Variants in UVRAG observed in about 807,000 individuals in gnomAD.
UVRAG encodes UV radiation resistance-associated gene protein.
Under a neutral mutation model 78.0 loss-of-function variants are expected in UVRAG, and 19 were observed. The observed-to-expected ratio is 0.24, with a 90% CI of 0.17 to 0.36. The LOEUF is 0.36. Ranked by LOEUF, UVRAG falls within the 10% of genes least tolerant of loss-of-function variation. The pLI, the probability that UVRAG is intolerant of heterozygous loss-of-function variation, is 1.00. For synonymous variants in UVRAG, 323 were observed against 324.6 expected, an observed-to-expected ratio of 1.00 and a Z score of 0.05; for missense variants, 740 against 853.8, an observed-to-expected ratio of 0.87 and a Z score of 1.66.
intron 8 of UVRAG, among the ~76,000 whole-genome samples, chr11:76,003,257 A>ATTTTTTTTTTTTTTTTT (rs398045280): frequency 3.7e-5 from 2 of 53,786 alleles, no homozygotes; most frequent in African/African-American, 1.6e-4. Context: ...GAAAATACTG[A>ATTTTTTTTTTTTTTTTT]TTTTTTTTTT....
chr11:76,078,974 G>C (rs1262016493), intron 13 of UVRAG, among the ~76,000 whole-genome samples: 1 of 151,798 alleles, frequency 6.6e-6, no homozygotes, highest in Non-Finnish European at 1.5e-5. Flanking sequence ...CTTTTAACTT[G>C]CCAGTACCTT....
At chr11:76,126,133 G>A (rs964303761) in intron 14 of UVRAG, among the ~76,000 whole-genome samples, 1 of 151,852 alleles carries the variant, frequency 6.6e-6, no homozygotes, top group African/African-American at 2.4e-5. Flanking sequence ...AGTAGAGACG[G>A]GGTTTCACCA....
At chr11:76,041,831 CAG>C (rs1270615697) in intron 12 of UVRAG, among the ~76,000 whole-genome samples, 1 of 152,144 alleles carries the variant, frequency 6.6e-6, no homozygotes, top group Non-Finnish European at 1.5e-5. Context: ...AGTAATCACT[CAG>C]AAAATTATAG....
At chr11:75,954,227 G>C (rs934930102) in intron 6 of UVRAG, among the ~76,000 whole-genome samples, 1 of 152,166 alleles carries the variant, frequency 6.6e-6, no homozygotes, top group African/African-American at 2.4e-5. Flanking sequence ...CTGTCTGTGT[G>C]TTTTAAGCCC....
chr11:75,982,949 T>C (rs927611076), intron 7 of UVRAG, among the ~76,000 whole-genome samples: 2 of 152,244 alleles, frequency 1.3e-5, no homozygotes, highest in Non-Finnish European at 2.9e-5. Context: ...TCGGCTATTA[T>C]GAGTAATGCT....
At chr11:76,004,167 A>C (rs1465018625) in intron 9 of UVRAG, 78 bp downstream of exon 9, 1 of 1,411,474 alleles carries the variant, frequency 7.1e-7, no homozygotes, top group Non-Finnish European at 1.0e-6. Flanking sequence ...GCATTCTTTA[A>C]AGCTGCTGGT....
intron 13 of UVRAG, among the ~76,000 whole-genome samples, chr11:76,100,403 G>A (rs1323955020): frequency 6.6e-6 from 1 of 152,028 alleles, no homozygotes; most frequent in African/African-American, 2.4e-5. Flanking sequence ...ATGTTTATTG[G>A]AAGTGTTGAT....
chr11:76,117,753 G>C (rs576609616), intron 14 of UVRAG, among the ~76,000 whole-genome samples: 1 of 152,326 alleles, frequency 6.6e-6, no homozygotes, highest in Non-Finnish European at 1.5e-5. Flanking sequence ...CAGGAGCCCA[G>C]ATAGGGCTGA....
intron 13 of UVRAG, among the ~76,000 whole-genome samples, chr11:76,111,656 A>C (rs1056487801): frequency 6.6e-5 from 10 of 152,178 alleles, no homozygotes; most frequent in Non-Finnish European, 8.8e-5. Flanking sequence ...ATGCCTCAAG[A>C]CAGAGGATTC....
intron 4 of UVRAG, among the ~76,000 whole-genome samples, chr11:75,887,835 C>T (rs984658577): frequency 1.3e-5 from 2 of 150,944 alleles, no homozygotes; most frequent in African/African-American, 4.9e-5. Flanking sequence ...CCGCCCGCTT[C>T]GGCCTCCCAA....
At chr11:75,954,534 A>C (rs541329145) in intron 6 of UVRAG, among the ~76,000 whole-genome samples, 17 of 152,186 alleles carry the variant, frequency 1.1e-4, no homozygotes, top group African/African-American at 4.1e-4. Context: ...TTATTTTGAT[A>C]CACTATTTTG....
chr11:76,143,411 T>C lies in UVRAG; in HGVS notation c.*1998T>C, dbSNP rs1952757024. 6.6e-6 allele frequency among the ~76,000 whole-genome samples: 1 copy of C among 152,218 alleles called. No homozygotes were observed. The highest frequency in any genetic ancestry group is 2.4e-5 in the African/African-American group (1 of 41,452). On this transcript the variant is annotated 3_prime_UTR_variant, in exon 15 of 15. Coordinates refer to ENST00000356136, the MANE Select transcript of UVRAG (RefSeq NM_003369.4). ...CCCACACAACCATGAGAGCCTGGAC[T>C]CTGGGGTCTACCCGTCAGTGCCCCC...
intron 6 of UVRAG, among the ~76,000 whole-genome samples, chr11:75,919,065 A>G (rs1947920216): frequency 1.3e-5 from 2 of 152,212 alleles, no homozygotes; most frequent in African/African-American, 4.8e-5. Flanking sequence ...AAGTACTGTC[A>G]ACTATAAAAT....
chr11:76,127,046 T>C (rs1293660331), intron 14 of UVRAG, among the ~76,000 whole-genome samples: 1 of 152,254 alleles, frequency 6.6e-6, no homozygotes, highest in Admixed American at 6.5e-5. Flanking sequence ...CACTGTAATA[T>C]ACAAAGTGTG....
intron 7 of UVRAG, among the ~76,000 whole-genome samples, chr11:75,976,546 C>T (rs1949244959): frequency 6.6e-6 from 1 of 152,110 alleles, no homozygotes; most frequent in Non-Finnish European, 1.5e-5. Flanking sequence ...AATTTCAGAG[C>T]CTGTTATTGC....
rs117760786 is a variant in UVRAG at position 76,012,503 on chromosome 11, A to G, written c.1060+3636A>G. Among the ~76,000 whole-genome samples the G allele has an allele frequency of 1.0e-3, 158 of 152,232 alleles. 1 individual carries two copies. In the East Asian group the frequency reaches 0.026, roughly 25 times the overall value. On this transcript the variant is annotated intron_variant, in intron 11 of 14. Transcript: ENST00000356136. ...ATAATAACCTCTTTAAACCTGTGAC[A>G]ACTTTTTAGTATTCTATAGCAGCTG...
chr11:75,891,435 G>A (rs536886121), intron 5 of UVRAG, among the ~76,000 whole-genome samples: 1 of 152,040 alleles, frequency 6.6e-6, no homozygotes, highest in Non-Finnish European at 1.5e-5. Context: ...GACAATATCT[G>A]GCACATATAA....
At chr11:76,007,088 C>T (rs1255448500) in intron 9 of UVRAG, among the ~76,000 whole-genome samples, 2 of 152,288 alleles carry the variant, frequency 1.3e-5, no homozygotes, top group East Asian at 3.9e-4. Flanking sequence ...TCAGGGCTCA[C>T]TGCAGCTTCA....
intron 6 of UVRAG, among the ~76,000 whole-genome samples, chr11:75,919,612 A>G (rs1234190615): frequency 1.3e-5 from 2 of 152,216 alleles, no homozygotes; most frequent in African/African-American, 2.4e-5. Context: ...AGGAGGAGAA[A>G]CAGTTCACTG....
Sources: gnomAD v4.1 joint callset for allele counts (sites outside exome capture counted in the v4.1 genomes callset) on GRCh38, gnomAD v4.1.1 for gene constraint, MANE v1.5 for transcripts, NCBI Gene and HGNC (gene_info 2026-07-23, HGNC 2026-07-21) for gene names.